The following SPG11 variants were observed in gnomAD, a reference collection of about 807,000 sequenced individuals.
SPG11 encodes spatacsin.
In SPG11, 222 loss-of-function variants were observed where a neutral mutation model predicts 274.0. The ratio of observed to expected loss-of-function variants is 0.81; its 90% CI spans 0.73 to 0.91. The LOEUF (loss-of-function observed/expected upper bound fraction) is 0.91, where lower values mean the gene tolerates loss of function less well. Ranked by LOEUF, SPG11 falls within the 40% of genes least tolerant of loss-of-function variation. The pLI is 0.00. For synonymous variants in SPG11, 1,144 were observed against 1,039.7 expected (o/e 1.10, Z -1.93); for missense variants, 3,114 against 2,872.7 (o/e 1.08, Z -1.92).
intron 7 of SPG11, among the ~76,000 whole-genome samples, chr15:44,648,478 A>T (rs887410616): frequency 2.7e-5 from 4 of 149,202 alleles, no homozygotes; most frequent in African/African-American, 9.9e-5. Context: ...GCACCACTGC[A>T]CTCCAGCCTG....
chr15:44,637,675 C>G (rs1052615245), intron 7 of SPG11, among the ~76,000 whole-genome samples: 1 of 152,200 alleles, frequency 6.6e-6, no homozygotes, highest in African/African-American at 2.4e-5. Flanking sequence ...TCATGTGCCA[C>G]ATAACAATAT....
intron 30 of SPG11, among the ~76,000 whole-genome samples, chr15:44,578,427 G>A (rs929120270): frequency 2.0e-5 from 3 of 151,992 alleles, no homozygotes; most frequent in African/African-American, 7.2e-5. Context: ...CCTGGCCCTG[G>A]GTGTAGGAAT....
At chr15:44,610,381 A>G (rs1012619999) in intron 18 of SPG11, among the ~76,000 whole-genome samples, 1 of 151,414 alleles carries the variant, frequency 6.6e-6, no homozygotes, top group African/African-American at 2.4e-5. Flanking sequence ...AAGATGACAT[A>G]AATTTCTTTT....
intron 18 of SPG11, among the ~76,000 whole-genome samples, chr15:44,609,493 AC>A (rs2083405311): frequency 6.6e-6 from 1 of 152,112 alleles, no homozygotes; most frequent in Non-Finnish European, 1.5e-5. Context: ...AAAGATGGGC[AC>A]ATTTCCACTA....
chr15:44,601,703 C>T (rs887959968), intron 20 of SPG11, among the ~76,000 whole-genome samples: 2 of 151,738 alleles, frequency 1.3e-5, no homozygotes, highest in Non-Finnish European at 2.9e-5. Context: ...GACTTAGAGG[C>T]ACGTGCCACC....
chr15:44,616,491 T>C (rs2083596391), intron 15 of SPG11, among the ~76,000 whole-genome samples: 1 of 152,112 alleles, frequency 6.6e-6, no homozygotes, highest in Non-Finnish European at 1.5e-5. Context: ...AGCCACTGTG[T>C]CTGGCCTTTT....
chr15:44,580,131 C>A (rs1318641281), intron 30 of SPG11, among the ~76,000 whole-genome samples: 7 of 152,070 alleles, frequency 4.6e-5, no homozygotes, highest in Admixed American at 4.6e-4. Flanking sequence ...GCTAAAAAAT[C>A]TTTATATCAT....
intron 33 of SPG11, 107 bp downstream of exon 33, chr15:44,572,576 G>A (rs1555447416): frequency 1.8e-6 from 2 of 1,135,530 alleles, no homozygotes; most frequent in East Asian, 2.4e-5. Context: ...TGGAGGGCTA[G>A]GCATCCAGAG....
chr15:44,643,361 T>C (rs1307712844), intron 7 of SPG11, among the ~76,000 whole-genome samples: 1 of 152,166 alleles, frequency 6.6e-6, no homozygotes, highest in Non-Finnish European at 1.5e-5. Flanking sequence ...ATAGTAAACA[T>C]GATTACTTCT....
Position 44,596,201 on chromosome 15 carries a change from G to A in SPG11, c.4316C>T (p.Thr1439Ile). Reference sequence around the variant, plus strand: ...TTGGAGCAGAATTTCAAATAAATCGGTCATCTCTTGTTTGCTTCCTTGAAG... The same window carrying A: ...TTGGAGCAGAATTTCAAATAAATCGATCATCTCTTGTTTGCTTCCTTGAAG... ...QELQGSKQEM[T>I]DLFEILLQCS... is the part of the protein sequence containing the mutation. The change falls in exon 25 of 40, where the codon ACC becomes ATC. Residue 1439 changes from threonine to isoleucine, a missense_variant. Physicochemically the swap from Thr to Ile is moderately conservative, Grantham distance 89. Coordinates refer to ENST00000261866, the MANE Select transcript of SPG11 (RefSeq NM_025137.4). 1 of 1,614,124 alleles carries A rather than the reference G, an allele frequency of 6.2e-7. No individual in the cohort carries two copies. The highest frequency in any genetic ancestry group is 8.5e-7 in the Non-Finnish European group (1 of 1,180,018).
intron 28 of SPG11, among the ~76,000 whole-genome samples, chr15:44,587,704 A>AC (rs1476480449): frequency 2.0e-5 from 3 of 150,764 alleles, no homozygotes; most frequent in African/African-American, 7.3e-5. Context: ...AAAAAAAAAA[A>AC]AAAAAAAAAA....
intron 12 of SPG11, 178 bp from the exon 13 acceptor site, chr15:44,622,525 C>T (rs1044410161): frequency 5.3e-6 from 4 of 753,046 alleles, no homozygotes; most frequent in Admixed American, 5.8e-5. Context: ...TATGTTAACA[C>T]AAATTTTCTT....
At chr15:44,603,168 C>T (rs758231109) in intron 20 of SPG11, among the ~76,000 whole-genome samples, 7 of 151,696 alleles carry the variant, frequency 4.6e-5, no homozygotes, top group Non-Finnish European at 8.8e-5. Flanking sequence ...AATCCTCTTG[C>T]CTCAGCCTCC....
At chr15:44,610,043 C>T (rs1248613553) in intron 18 of SPG11, among the ~76,000 whole-genome samples, 1 of 151,576 alleles carries the variant, frequency 6.6e-6, no homozygotes, top group Non-Finnish European at 1.5e-5. Context: ...GCTGGGATTA[C>T]AGGCGTACGC....
At chr15:44,598,118 G>GTTTGAAT in intron 23 of SPG11, 147 bp downstream of exon 23, 1 of 650,896 alleles carries the variant, frequency 1.5e-6, no homozygotes, top group Non-Finnish European at 2.8e-6. Context: ...TTCATTTACT[G>GTTTGAAT]AGTATCTGCT....
At chr15:44,576,687 C>T (rs1357060611) in intron 30 of SPG11, among the ~76,000 whole-genome samples, 2 of 151,602 alleles carry the variant, frequency 1.3e-5, no homozygotes, top group African/African-American at 4.8e-5. Context: ...TCTATATGTA[C>T]TGAGAGGACA....
intron 23 of SPG11, 166 bp from the exon 24 acceptor site, chr15:44,597,109 T>TA: frequency 3.8e-5 from 22 of 578,942 alleles, no homozygotes; most frequent in Non-Finnish European, 5.2e-5. Flanking sequence ...AAAAGTAGAT[T>TA]CTTTTTTTTT....
At chr15:44,605,889 G>C (rs1214506054) in intron 20 of SPG11, 136 bp downstream of exon 20, 5 of 764,696 alleles carry the variant, frequency 6.5e-6, no homozygotes, top group South Asian at 6.0e-5. Flanking sequence ...CTGTCTTTGC[G>C]AACTATTTTT....
chr15:44,636,944 A>C (rs202007372), intron 7 of SPG11, among the ~76,000 whole-genome samples: 5,340 of 119,934 alleles, frequency 0.045, 104 homozygotes, highest in Non-Finnish European at 0.067. Context: ...AAAAAAAAAA[A>C]AAAAAAAAAA....
Sources: allele counts gnomAD v4.1 joint callset (sites outside exome capture counted in the v4.1 genomes callset), GRCh38; gene constraint gnomAD v4.1.1; transcripts MANE v1.5; gene names NCBI Gene and HGNC (gene_info 2026-07-23, HGNC 2026-07-21).